Variants in TUB observed in about 807,000 individuals in gnomAD.
TUB encodes the protein tubby protein homolog.
TUB carries 33 observed loss-of-function variants against 59.7 expected under a neutral mutation model. The observed-to-expected ratio is 0.55, with a 90% confidence interval of 0.42 to 0.74. The LOEUF (loss-of-function observed/expected upper bound fraction) is 0.74, where lower values mean the gene tolerates loss of function less well. TUB is among the 30% of genes least tolerant of loss of function. The pLI, the probability that TUB is intolerant of heterozygous loss-of-function variation, is 0.00. For synonymous variants in TUB, 293 were observed against 256.4 expected, an observed-to-expected ratio of 1.14 and a Z score of -1.36; for missense variants, 659 against 672.0, an observed-to-expected ratio of 0.98 and a Z score of 0.21.
intron 8 of TUB, among the ~76,000 whole-genome samples, chr11:8,098,186 GAC>G (rs756165586): frequency 3.3e-5 from 5 of 151,896 alleles, no homozygotes; most frequent in Non-Finnish European, 5.9e-5. Context: ...TGAGGGAAGA[GAC>G]ACACAGCAAT....
chr11:8,100,773 G>T, intron 10 of TUB, 53 bp from the exon 11 acceptor site: 1 of 1,604,044 alleles, frequency 6.2e-7, no homozygotes. Flanking sequence ...CCTTTCTGGG[G>T]TGGTCATGGT....
At chr11:8,038,583 G>A, upstream of TUB, 3 of 1,130,700 alleles carry the variant, frequency 2.7e-6, no homozygotes, top group Non-Finnish European at 3.3e-6. Context: ...CCTCCGTGTT[G>A]CCATGGAAAC....
chr11:8,053,750 C>T (rs1400047186), intron 2 of TUB, among the ~76,000 whole-genome samples: 1 of 150,286 alleles, frequency 6.7e-6, no homozygotes. Flanking sequence ...ATCCGCCTGC[C>T]TTGGCCTCCC....
intron 2 of TUB, among the ~76,000 whole-genome samples, chr11:8,063,416 G>A (rs1359652957): frequency 6.6e-6 from 1 of 152,250 alleles, no homozygotes; most frequent in Non-Finnish European, 1.5e-5. Flanking sequence ...AAGGCAGCAT[G>A]AAGTAGCCGA....
intron 1 of TUB, among the ~76,000 whole-genome samples, chr11:8,083,264 G>A (rs1469858053): frequency 1.3e-5 from 2 of 152,142 alleles, no homozygotes; most frequent in Admixed American, 6.5e-5. Context: ...TGGCAGGGTG[G>A]TGGCCATGGA....
chr11:8,090,361 G>T (rs1943748986), intron 3 of TUB, 130 bp downstream of exon 3: 1 of 1,307,534 alleles, frequency 7.6e-7, no homozygotes, highest in East Asian at 2.5e-5. Flanking sequence ...AGCCCAGGCA[G>T]ACAGCTGAGT....
chr11:8,103,919 G>T lies in TUB; in HGVS notation c.*2300G>T, dbSNP rs1159620798. 1 of 152,236 alleles carries T rather than the reference G, an allele frequency of 6.6e-6. No individual in the cohort carries two copies. The highest frequency in any genetic ancestry group is 1.5e-5 in the Non-Finnish European group (1 of 68,056). 9.4% of individuals were successfully genotyped at this position (152,236 alleles called of 1,614,324 possible). On this transcript the variant is annotated 3_prime_UTR_variant, in exon 12 of 12. Coordinates refer to ENST00000299506, the MANE Select transcript of TUB (RefSeq NM_177972.3). ...CTGCTTTCTCCTGTAGCACAAAGAGGGAGTTGGCTGGATCTTTTGGTGGAG... is the reference window on the plus strand; with the variant it reads ...CTGCTTTCTCCTGTAGCACAAAGAGTGAGTTGGCTGGATCTTTTGGTGGAG...
chr11:8,043,797 AT>A lies in TUB; in HGVS notation c.203+4111del, dbSNP rs1450746100. Among the ~76,000 whole-genome samples the A allele has an allele frequency of 9.2e-5, 14 of 152,212 alleles. 1 individual carries two copies. The East Asian group carries it at 2.5e-3, about 27-fold the overall frequency. ...CTGAACTTGTTTATTAGTTACAATCATTTTTTAGTGGATAACTTAGATTTTT... is the reference window on the plus strand; with the variant it reads ...CTGAACTTGTTTATTAGTTACAATCATTTTTAGTGGATAACTTAGATTTTT... On this transcript the variant is annotated intron_variant, in intron 2 of 12. Transcript: ENST00000305253.
intron 2 of TUB, among the ~76,000 whole-genome samples, chr11:8,047,648 T>C (rs1428724365): frequency 6.6e-6 from 1 of 152,214 alleles, no homozygotes; most frequent in Non-Finnish European, 1.5e-5. Context: ...GCTGCCTCCC[T>C]GCTCTACTGC....
At position 8,097,751 on chromosome 11, in the gene TUB, A is replaced by T. The variant is rs55892969; in HGVS notation, c.923A>T (p.Lys308Ile). The T allele has an allele frequency of 6.2e-7, 1 of 1,614,062 alleles. No individual in the cohort carries two copies. Among genetic ancestry groups the T allele is most frequent in the Admixed American group, 1.7e-5 (1 of 60,012 alleles). The change falls in exon 8 of 12, where the codon AAA (lysine) becomes ATA (isoleucine). Residue 308 changes from lysine to isoleucine, a missense_variant. By Grantham distance (102) the Lys-to-Ile change is moderately radical. Around this residue, in one of 3 missense-constraint regions of TUB, gnomAD observed 112 missense variants for 156.9 expected, o/e 0.71. Coordinates refer to ENST00000299506, the MANE Select transcript of TUB (RefSeq NM_177972.3). ...GCGGGAAGGAAGAGAAAGAAGAGTA[A>T]AACTTCCAATTACCTCATCTCTGTG... is the stretch of plus-strand genomic sequence containing the variant. ...LLAGRKRKKS[K>I]TSNYLISVDP...
At chr11:8,028,390 T>G (rs1394640501) in intron 1 of TUB, among the ~76,000 whole-genome samples, 1 of 152,230 alleles carries the variant, frequency 6.6e-6, no homozygotes, top group Non-Finnish European at 1.5e-5. Context: ...CATTGTTGTC[T>G]TCTCACTTTC....
intron 9 of TUB, among the ~76,000 whole-genome samples, chr11:8,099,518 A>G (rs1359315781): frequency 6.6e-6 from 1 of 152,190 alleles, no homozygotes; most frequent in Non-Finnish European, 1.5e-5. Context: ...TTGGGGAGGC[A>G]GCCTGAGTCT....
At chr11:8,081,869 C>T (rs1943572659) in intron 1 of TUB, among the ~76,000 whole-genome samples, 1 of 152,214 alleles carries the variant, frequency 6.6e-6, no homozygotes, top group Admixed American at 6.5e-5. Flanking sequence ...GAACCCCAGT[C>T]ACACGCCTGT....
At chr11:8,064,249 G>A (rs1239108335) in intron 2 of TUB, among the ~76,000 whole-genome samples, 11 of 152,166 alleles carry the variant, frequency 7.2e-5, no homozygotes, top group South Asian at 6.2e-4. Flanking sequence ...AGGAGAACCC[G>A]TGGCCCCATG....
At chr11:8,019,274 C>T (rs1942381870) in exon 1 of TUB, 1 of 1,252,244 alleles carries the variant, frequency 8.0e-7, no homozygotes, top group South Asian at 3.6e-5. Flanking sequence ...CCGCCGCCCG[C>T]GGAGCCCCGA....
rs1399837768 is a variant in TUB at position 8,081,245 on chromosome 11, T to G, written c.-266T>G. 3.6e-5 allele frequency: 14 copies of G among 387,536 alleles called. No homozygotes were observed. The highest frequency in any genetic ancestry group is 4.9e-5 in the Non-Finnish European group (14 of 284,038). 24.0% of individuals were successfully genotyped at this position (387,536 alleles called of 1,614,324 possible). On this transcript the variant is annotated 5_prime_UTR_variant, in exon 1 of 12. Coordinates refer to ENST00000299506, the MANE Select transcript of TUB (RefSeq NM_177972.3). ...TTGGCGCCAGAGGGGCGCGGGACGGTGCGGTCGGCCTCCCCGCCTCCACGC... is the reference window on the plus strand; with the variant it reads ...TTGGCGCCAGAGGGGCGCGGGACGGGGCGGTCGGCCTCCCCGCCTCCACGC...
At chr11:8,099,631 C>T (rs1448758765) in intron 9 of TUB, among the ~76,000 whole-genome samples, 1 of 152,160 alleles carries the variant, frequency 6.6e-6, no homozygotes, top group Non-Finnish European at 1.5e-5. Context: ...AAAGCCCTAG[C>T]AGGGCAGACA....
At position 8,063,987 on chromosome 11, in the gene TUB, A is replaced by G. The variant is rs189226103; in HGVS notation, c.203+24295A>G. On this transcript the variant is annotated intron_variant, in intron 2 of 12. Transcript: ENST00000305253. ...ATTGGTGACATTGGACATTCTCTGA[A>G]GGACTTTGAGAACCTCATAGGCGTC... Among the ~76,000 whole-genome samples, 249 of 152,292 alleles carry G rather than the reference A, an allele frequency of 1.6e-3. 1 individual carries two copies. The highest frequency in any genetic ancestry group is 5.8e-3 in the African/African-American group (239 of 41,552).
chr11:8,104,356 ACTTCCCCAACT>A lies in TUB; in HGVS notation c.*2742_*2752del, dbSNP rs1183080652. On this transcript the variant is annotated 3_prime_UTR_variant, in exon 12 of 12. Coordinates refer to ENST00000299506, the MANE Select transcript of TUB (RefSeq NM_177972.3). ...ACAATTCTGCAGAGTGGTGAAGTTCACTTCCCCAACTCTTCTCCAAGTCTAGCTTTCCTTTC... is the reference window on the plus strand; with the variant it reads ...ACAATTCTGCAGAGTGGTGAAGTTCACTTCTCCAAGTCTAGCTTTCCTTTC... 6.6e-6 allele frequency: 1 copy of A among 152,272 alleles called. No individual in the cohort carries two copies. The highest frequency in any genetic ancestry group is 1.5e-5 in the Non-Finnish European group (1 of 68,100). 9.4% of individuals were successfully genotyped at this position (152,272 alleles called of 1,614,324 possible).
Sources: gnomAD v4.1 joint callset for allele counts (sites outside exome capture counted in the v4.1 genomes callset) on GRCh38, gnomAD v4.1.1 for gene constraint, gnomAD v4.1.1 regional missense constraint, MANE v1.5 for transcripts, NCBI Gene and HGNC (gene_info 2026-07-23, HGNC 2026-07-21) for gene names.